ENTREP2: variants seen among roughly 807,000 people sequenced by gnomAD.
ENTREP2 encodes endosomal transmembrane epsin interactor 2.
At chr15:29,276,416 A>C in the ENTREP2 span, among the ~76,000 whole-genome samples, 1 of 152,240 alleles carries the variant, frequency 6.6e-6, no homozygotes. Context: ...CTTTAGAAAC[A>C]GCCTCTTCCC....
At chr15:29,570,670 G>T in the ENTREP2 span, 1 of 1,215,050 alleles carries the variant, frequency 8.2e-7, no homozygotes, top group Non-Finnish European at 1.0e-6. Flanking sequence ...GGCGGGACAG[G>T]CTGCGGGGCA....
At chr15:29,142,053 C>G in the ENTREP2 span, among the ~76,000 whole-genome samples, 5 of 152,146 alleles carry the variant, frequency 3.3e-5, no homozygotes. Flanking sequence ...AGGAGGGCAG[C>G]CAAGCAGAAA....
the ENTREP2 span, among the ~76,000 whole-genome samples, chr15:29,598,854 G>A: frequency 4.6e-5 from 7 of 152,182 alleles, no homozygotes; most frequent in East Asian, 3.9e-4. Context: ...CCGCCACCGC[G>A]CCCAGCTAAT....
At chr15:29,518,457 A>G in the ENTREP2 span, among the ~76,000 whole-genome samples, 11 of 152,198 alleles carry the variant, frequency 7.2e-5, no homozygotes, top group African/African-American at 2.4e-4. Flanking sequence ...AAAAAAGAAA[A>G]TACCAATAAA....
At chr15:29,248,209 T>C in the ENTREP2 span, among the ~76,000 whole-genome samples, 30 of 152,096 alleles carry the variant, frequency 2.0e-4, no homozygotes, top group African/African-American at 6.8e-4. Context: ...ATTCATCGAG[T>C]AGACTGTAAA....
At chr15:29,219,587 G>C in the ENTREP2 span, among the ~76,000 whole-genome samples, 2 of 122,776 alleles carry the variant, frequency 1.6e-5, no homozygotes, top group African/African-American at 6.0e-5. Flanking sequence ...ATCAGTCAAT[G>C]AGTGTACAAA....
chr15:29,362,176 G>C, the ENTREP2 span, among the ~76,000 whole-genome samples: 1 of 152,038 alleles, frequency 6.6e-6, no homozygotes, highest in Non-Finnish European at 1.5e-5. Flanking sequence ...CACAGGAAGA[G>C]AGTAACATTA....
the ENTREP2 span, among the ~76,000 whole-genome samples, chr15:29,542,634 C>T: frequency 2.0e-5 from 3 of 152,170 alleles, no homozygotes; most frequent in African/African-American, 7.2e-5. Context: ...TACGGTTCTA[C>T]GGCACAACGT....
chr15:29,229,234 A>AACTTT, the ENTREP2 span, among the ~76,000 whole-genome samples: 10 of 152,292 alleles, frequency 6.6e-5, no homozygotes, highest in Admixed American at 2.0e-4. Flanking sequence ...AAACTTATTA[A>AACTTT]ATGTACTACT....
At chr15:29,554,393 A>G in the ENTREP2 span, among the ~76,000 whole-genome samples, 1 of 146,150 alleles carries the variant, frequency 6.8e-6, no homozygotes, top group African/African-American at 2.5e-5. Context: ...GGAGGGAGAG[A>G]GGGAGGAAAG....
chr15:29,614,717 T>A, the ENTREP2 span, among the ~76,000 whole-genome samples: 107 of 152,242 alleles, frequency 7.0e-4, no homozygotes, highest in East Asian at 0.013. Context: ...CCATCCTATG[T>A]CCACGTAGTA....
the ENTREP2 span, among the ~76,000 whole-genome samples, chr15:29,496,672 C>A: frequency 1.3e-5 from 2 of 152,110 alleles, no homozygotes; most frequent in South Asian, 4.1e-4. Context: ...TTGAGATAAT[C>A]ATATAATTTT....
chr15:29,327,318 G>A, the ENTREP2 span, among the ~76,000 whole-genome samples: 33 of 152,206 alleles, frequency 2.2e-4, no homozygotes, highest in Non-Finnish European at 3.8e-4. Flanking sequence ...GGCTGGGCGC[G>A]GTGGCTCAAG....
chr15:29,241,782 C>T, the ENTREP2 span, among the ~76,000 whole-genome samples: 1 of 152,090 alleles, frequency 6.6e-6, no homozygotes, highest in East Asian at 1.9e-4. Flanking sequence ...GTTTATTTCC[C>T]AGTGCTTTGG....
the ENTREP2 span, among the ~76,000 whole-genome samples, chr15:29,151,169 G>A: frequency 1.3e-5 from 2 of 152,178 alleles, no homozygotes; most frequent in East Asian, 1.9e-4. Context: ...TATAACATGT[G>A]TTAGTGAACC....
chr15:29,655,082 T>C, the ENTREP2 span, among the ~76,000 whole-genome samples: 1 of 148,920 alleles, frequency 6.7e-6, no homozygotes, highest in African/African-American at 2.6e-5. Context: ...TGATCCTGAA[T>C]TGAAAGGATT....
chr15:29,416,704 A>T, the ENTREP2 span, among the ~76,000 whole-genome samples: 1 of 152,162 alleles, frequency 6.6e-6, no homozygotes, highest in Admixed American at 6.5e-5. Context: ...ATCAGAGTGA[A>T]CAGGCAACCT....
chr15:29,196,699 C>T, the ENTREP2 span: 12 of 869,248 alleles, frequency 1.4e-5, no homozygotes, highest in Non-Finnish European at 1.8e-5. Flanking sequence ...TTAAGTAGTA[C>T]AGCAAAAACA....
the ENTREP2 span, among the ~76,000 whole-genome samples, chr15:29,542,547 G>A: frequency 1.1e-4 from 17 of 150,442 alleles, no homozygotes; most frequent in Non-Finnish European, 1.8e-4. Flanking sequence ...CTCGTGATCC[G>A]CCCACCTCGG....
Sources: allele counts gnomAD v4.1 joint callset (sites outside exome capture counted in the v4.1 genomes callset), GRCh38; gene constraint gnomAD v4.1.1; transcripts MANE v1.5; gene names NCBI Gene and HGNC (gene_info 2026-07-23, HGNC 2026-07-21).